Variants in MAML3 observed in about 807,000 individuals in gnomAD.
MAML3 encodes the protein mastermind like transcriptional coactivator 3.
Under a neutral mutation model 101.9 loss-of-function variants are expected in MAML3, and 27 were observed. That is an observed-to-expected ratio of 0.27 (90% CI 0.20 to 0.37). The LOEUF (loss-of-function observed/expected upper bound fraction) is 0.37, where lower values mean the gene tolerates loss of function less well. Ranked by LOEUF, MAML3 falls within the 10% of genes least tolerant of loss-of-function variation. The pLI is 1.00. For missense variants in MAML3, 1,316 were observed against 1,444.9 expected, an observed-to-expected ratio of 0.91 and a Z score of 1.45; for synonymous variants, 501 against 555.9, an observed-to-expected ratio of 0.90 and a Z score of 1.39.
At chr4:140,094,405 A>G (rs1396393324) in intron 1 of MAML3, among the ~76,000 whole-genome samples, 3 of 152,304 alleles carry the variant, frequency 2.0e-5, no homozygotes, top group South Asian at 2.1e-4. Flanking sequence ...GAAAAATCAC[A>G]AGTAAAATAA....
chr4:140,092,689 GAGAGCCGACT>G (rs1009436464), intron 1 of MAML3, among the ~76,000 whole-genome samples: 2 of 152,190 alleles, frequency 1.3e-5, no homozygotes, highest in African/African-American at 4.8e-5. Flanking sequence ...ACACCGGGAG[GAGAGCCGACT>G]GGCTTCCAGA....
At chr4:139,850,237 T>A (rs1168424426) in intron 2 of MAML3, among the ~76,000 whole-genome samples, 1 of 152,186 alleles carries the variant, frequency 6.6e-6, no homozygotes, top group African/African-American at 2.4e-5. Flanking sequence ...AACATTTAAA[T>A]AAAGCAAAAC....
intron 1 of MAML3, among the ~76,000 whole-genome samples, chr4:139,920,409 GGT>G (rs1347527913): frequency 6.6e-6 from 1 of 152,196 alleles, no homozygotes; most frequent in Admixed American, 6.5e-5. Context: ...GATGTGTGCA[GGT>G]GTGTCTGTGC....
chr4:140,070,967 G>C (rs1446680633), intron 1 of MAML3, among the ~76,000 whole-genome samples: 1 of 152,288 alleles, frequency 6.6e-6, no homozygotes, highest in East Asian at 1.9e-4. Context: ...GTGGCGCTGG[G>C]GTCTTCGTGG....
chr4:140,109,643 A>G (rs1728408237), intron 1 of MAML3, among the ~76,000 whole-genome samples: 2 of 152,204 alleles, frequency 1.3e-5, no homozygotes, highest in Non-Finnish European at 1.5e-5. Flanking sequence ...AATCTCCTAG[A>G]GCTTATAACA....
In MAML3 at chr4:140,060,365, CAAA is replaced by C. The variant is rs70943471; in HGVS notation, c.468+92492_468+92494del. Among the ~76,000 whole-genome samples, 31 of 19,126 alleles carry C rather than the reference CAAA, an allele frequency of 1.6e-3. 3 individuals are homozygous for C. Among genetic ancestry groups the C allele is most frequent in the Non-Finnish European group, 2.4e-3 (26 of 10,744 alleles). 12.5% of individuals were successfully genotyped at this position (19,126 alleles called of 152,430 possible). ...TGGGCGACAGAGTAAGACTCTGTCT[CAAA>C]AAAAAAAAAAAAAAAAAGTCACAAG... On this transcript the variant is annotated intron_variant, in intron 1 of 4. Transcript: ENST00000509479.
chr4:139,952,933 A>G (rs1009854371), intron 1 of MAML3, among the ~76,000 whole-genome samples: 6 of 152,216 alleles, frequency 3.9e-5, no homozygotes, highest in African/African-American at 1.4e-4. Context: ...TGCCTGTCCA[A>G]AAAATGCCTG....
intron 1 of MAML3, among the ~76,000 whole-genome samples, chr4:140,016,760 A>T (rs987690959): frequency 6.6e-6 from 1 of 152,224 alleles, no homozygotes; most frequent in African/African-American, 2.4e-5. Flanking sequence ...ACAAAACCAA[A>T]CCAAAAATAC....
At position 139,730,509 on chromosome 4, in the gene MAML3, C is replaced by G; in HGVS notation, c.2238G>C (p.Gln746His). The G allele has an allele frequency of 6.4e-7, 1 of 1,557,610 alleles. No individual in the cohort carries two copies. The highest frequency in any genetic ancestry group is 8.7e-7 in the Non-Finnish European group (1 of 1,150,544). The change falls in exon 3 of 5, where the codon CAG (glutamine) becomes CAC (histidine). Residue 746 changes from glutamine (Q) to histidine (H), a missense_variant. Transcript: ENST00000509479. ...AAIMKQMLID[Q>H]RAQLIEQQKQ... ...TCTGCTGCTCTATCAACTGGGCCCG[C>G]TGATCAATGAGCATCTGCTTCATGA...
At chr4:139,983,184 G>T (rs1329618718) in intron 1 of MAML3, among the ~76,000 whole-genome samples, 1 of 152,136 alleles carries the variant, frequency 6.6e-6, no homozygotes, top group Admixed American at 6.6e-5. Context: ...CAAATGTAGT[G>T]TCACATATTC....
intron 2 of MAML3, among the ~76,000 whole-genome samples, chr4:139,834,689 T>C (rs1052522950): frequency 6.6e-5 from 10 of 152,250 alleles, no homozygotes; most frequent in African/African-American, 2.2e-4. Flanking sequence ...TGGGGAAAGG[T>C]TGGAATATAG....
intron 1 of MAML3, among the ~76,000 whole-genome samples, chr4:139,987,813 A>G (rs1298689716): frequency 6.6e-6 from 1 of 152,024 alleles, no homozygotes; most frequent in Non-Finnish European, 1.5e-5. Context: ...TGAGGTCAGG[A>G]GTTCGAGACC....
intron 1 of MAML3, among the ~76,000 whole-genome samples, chr4:140,028,309 G>GA (rs984606009): frequency 2.0e-5 from 3 of 151,926 alleles, no homozygotes; most frequent in East Asian, 1.9e-4. Context: ...TAAGGATTCT[G>GA]AAAAAAAAGT....
At chr4:139,949,579 T>C (rs1431081904) in intron 1 of MAML3, among the ~76,000 whole-genome samples, 1 of 152,250 alleles carries the variant, frequency 6.6e-6, no homozygotes, top group Non-Finnish European at 1.5e-5. Context: ...CATTTGATAC[T>C]ATGGAAATCT....
At chr4:139,769,051 A>T (rs995759502) in intron 2 of MAML3, among the ~76,000 whole-genome samples, 21 of 152,224 alleles carry the variant, frequency 1.4e-4, no homozygotes, top group African/African-American at 5.1e-4. Flanking sequence ...GTTTAGGAAG[A>T]ACAGTCCCAG....
At chr4:139,826,423 C>G (rs1175575123) in intron 2 of MAML3, among the ~76,000 whole-genome samples, 1 of 152,060 alleles carries the variant, frequency 6.6e-6, no homozygotes, top group African/African-American at 2.4e-5. Flanking sequence ...ACAGAAGGGC[C>G]ATATTAGAAG....
chr4:140,144,548 CAAAA>C (rs758787783), intron 1 of MAML3, among the ~76,000 whole-genome samples: 3 of 95,948 alleles, frequency 3.1e-5, no homozygotes, highest in Admixed American at 1.1e-4. Context: ...AAAGCAAAAC[CAAAA>C]AAAAAAAAAA....
In MAML3 at chr4:140,153,038, T is replaced by G. The variant is rs745546595; in HGVS notation, c.290A>C (p.Gln97Pro). The change falls in exon 1 of 5, where the codon CAG (glutamine) becomes CCG (proline). Residue 97 changes from glutamine (Q) to proline (P), a missense_variant. Transcript: ENST00000509479. ...CAGCTCCAGCTGCTCCACCTGAGCCTGCTGGTACCTGTTCTCGCAGTTGAC... is the reference window on the plus strand; with the variant it reads ...CAGCTCCAGCTGCTCCACCTGAGCCGGCTGGTACCTGTTCTCGCAGTTGAC... ...HHVNCENRYQ[Q>P]AQVEQLELER... 2 of 1,589,158 alleles carry G rather than the reference T, an allele frequency of 1.3e-6. No individual in the cohort carries two copies. The highest frequency in any genetic ancestry group is 2.3e-5 in the East Asian group (1 of 43,578).
At chr4:139,728,939 A>G (rs1296234076) in intron 3 of MAML3, among the ~76,000 whole-genome samples, 1 of 152,104 alleles carries the variant, frequency 6.6e-6, no homozygotes, top group Non-Finnish European at 1.5e-5. Context: ...CATCAGGCAC[A>G]CCTGAGATTT....
Sources: allele counts gnomAD v4.1 joint callset (sites outside exome capture counted in the v4.1 genomes callset), GRCh38; gene constraint gnomAD v4.1.1; transcripts MANE v1.5; gene names NCBI Gene and HGNC (gene_info 2026-07-23, HGNC 2026-07-21).